The following KLF8 variants were observed in gnomAD, a reference collection of about 807,000 sequenced individuals.
KLF8 encodes Krueppel-like factor 8.
KLF8 carries 10 observed loss-of-function variants against 18.2 expected under a neutral mutation model. The ratio of observed to expected loss-of-function variants is 0.55; its 90% CI spans 0.34 to 0.93. The LOEUF (loss-of-function observed/expected upper bound fraction) is 0.93. KLF8 is among the 40% of genes least tolerant of loss of function. The pLI is 0.02. For missense variants in KLF8, 264 were observed against 277.9 expected, an observed-to-expected ratio of 0.95 and a Z score of 0.36; for synonymous variants, 109 against 97.3, an observed-to-expected ratio of 1.12 and a Z score of -0.71.
chrX:56,041,491 A>G, the KLF8 span, among the ~76,000 whole-genome samples: 2 of 103,916 alleles, frequency 1.9e-5, no homozygotes, highest in Non-Finnish European at 3.9e-5. Flanking sequence ...TTTTTTTTCA[A>G]AAAACCTCTC....
the KLF8 span, among the ~76,000 whole-genome samples, chrX:56,213,298 TCTTTTC>T: frequency 2.1e-5 from 1 of 48,436 alleles, no homozygotes; most frequent in African/African-American, 8.6e-5. Flanking sequence ...TCTTTTCTTT[TCTTTTC>T]TTTTCTTTTC....
the KLF8 span, among the ~76,000 whole-genome samples, chrX:56,207,410 A>C: frequency 1.5e-3 from 165 of 112,405 alleles, no homozygotes; most frequent in Non-Finnish European, 2.4e-3. Flanking sequence ...TTGTGAATAC[A>C]TAAAACTTAA....
chrX:56,226,151 A>G, the KLF8 span, among the ~76,000 whole-genome samples: 2 of 112,119 alleles, frequency 1.8e-5, no homozygotes, highest in African/African-American at 6.5e-5. Flanking sequence ...TGCCATGGGC[A>G]CAGGAGGAGG....
At chrX:56,271,013 TA>T (rs1005183730) in intron 5 of KLF8, among the ~76,000 whole-genome samples, 3 of 111,546 alleles carry the variant, frequency 2.7e-5, no homozygotes, top group African/African-American at 9.8e-5. Flanking sequence ...AATACAACAA[TA>T]AAAAAATACA....
chrX:56,009,212 G>A, the KLF8 span, among the ~76,000 whole-genome samples: 1 of 110,936 alleles, frequency 9.0e-6, no homozygotes. Flanking sequence ...GTCAGTGCCA[G>A]TCTGGGACGG....
the KLF8 span, among the ~76,000 whole-genome samples, chrX:56,181,079 ATTG>A: frequency 1.8e-5 from 2 of 110,967 alleles, no homozygotes; most frequent in Admixed American, 1.9e-4. Context: ...GTCTCCCATT[ATTG>A]TTGTGTGGGA....
At chrX:56,159,770 T>C in the KLF8 span, among the ~76,000 whole-genome samples, 1 of 111,669 alleles carries the variant, frequency 9.0e-6, no homozygotes, top group Non-Finnish European at 1.9e-5. Flanking sequence ...TATTTGATTC[T>C]TCTCTCTTTT....
chrX:56,186,945 C>T, the KLF8 span, among the ~76,000 whole-genome samples: 194 of 111,523 alleles, frequency 1.7e-3, no homozygotes, highest in Non-Finnish European at 1.9e-3. Flanking sequence ...AATTGACACC[C>T]GAACATCACA....
the KLF8 span, among the ~76,000 whole-genome samples, chrX:56,221,566 C>T: frequency 3.6e-5 from 4 of 111,032 alleles, no homozygotes; most frequent in African/African-American, 9.8e-5. Flanking sequence ...CGAATGTGTT[C>T]GGAGTTTCTT....
chrX:55,960,862 C>T, the KLF8 span, among the ~76,000 whole-genome samples: 5 of 111,440 alleles, frequency 4.5e-5, no homozygotes, highest in Non-Finnish European at 9.4e-5. Context: ...ATTACAGTGG[C>T]TTAATGCCCA....
At chrX:56,213,910 G>A in the KLF8 span, among the ~76,000 whole-genome samples, 3 of 111,236 alleles carry the variant, frequency 2.7e-5, no homozygotes, top group African/African-American at 9.8e-5. Context: ...TCACACAAAC[G>A]AATTGAAGGA....
chrX:55,934,729 A>T, the KLF8 span, among the ~76,000 whole-genome samples: 1 of 112,311 alleles, frequency 8.9e-6, no homozygotes, highest in African/African-American at 3.2e-5. Flanking sequence ...CGTGCAAGGG[A>T]TGATGCCATT....
chrX:56,051,170 G>T, the KLF8 span, among the ~76,000 whole-genome samples: 1 of 111,272 alleles, frequency 9.0e-6, no homozygotes, highest in Non-Finnish European at 1.9e-5. Flanking sequence ...GTCTCTGTAC[G>T]TGAGATGGGT....
chrX:56,131,103 A>G, the KLF8 span, among the ~76,000 whole-genome samples: 1 of 112,041 alleles, frequency 8.9e-6, no homozygotes, highest in African/African-American at 3.2e-5. Context: ...TGGCCTTGCT[A>G]GAGATCTAGA....
At chrX:56,012,615 G>T in the KLF8 span, among the ~76,000 whole-genome samples, 1 of 111,434 alleles carries the variant, frequency 9.0e-6, no homozygotes, top group African/African-American at 3.3e-5. Flanking sequence ...GCAATAGAAA[G>T]AAATGAAGGT....
At chrX:56,163,029 A>G in the KLF8 span, among the ~76,000 whole-genome samples, 1 of 112,246 alleles carries the variant, frequency 8.9e-6, no homozygotes, top group Non-Finnish European at 1.9e-5. Flanking sequence ...TGTCTTTGCT[A>G]TTGCAAATAG....
chrX:56,031,807 T>C, the KLF8 span, among the ~76,000 whole-genome samples: 1 of 111,340 alleles, frequency 9.0e-6, no homozygotes, highest in Non-Finnish European at 1.9e-5. Flanking sequence ...GGCAGACTAA[T>C]GTCTCAAAAT....
At chrX:56,193,547 A>T in the KLF8 span, among the ~76,000 whole-genome samples, 1 of 112,485 alleles carries the variant, frequency 8.9e-6, no homozygotes, top group African/African-American at 3.2e-5. Flanking sequence ...TATCAACAAT[A>T]GCTGATACTT....
the KLF8 span, among the ~76,000 whole-genome samples, chrX:56,057,396 G>C: frequency 1.8e-5 from 2 of 111,394 alleles, no homozygotes; most frequent in African/African-American, 6.5e-5. Context: ...TGCATGCATA[G>C]AGGTGCACTG....
Sources: allele counts gnomAD v4.1 joint callset (sites outside exome capture counted in the v4.1 genomes callset), GRCh38; gene constraint gnomAD v4.1.1; transcripts MANE v1.5; gene names NCBI Gene and HGNC (gene_info 2026-07-23, HGNC 2026-07-21).